Variants in CDH18 observed in about 807,000 individuals in gnomAD.
CDH18 encodes the protein cadherin-18.
CDH18 carries 31 observed loss-of-function variants against 67.9 expected under a neutral mutation model. The observed-to-expected ratio is 0.46, with a 90% CI of 0.34 to 0.62. The LOEUF (loss-of-function observed/expected upper bound fraction) is 0.62, where lower values mean the gene tolerates loss of function less well. CDH18 is among the 20% of genes least tolerant of loss of function. The pLI is 0.01. For synonymous variants in CDH18, 362 were observed against 347.2 expected, an observed-to-expected ratio of 1.04 and a Z score of -0.48; for missense variants, 890 against 975.5, an observed-to-expected ratio of 0.91 and a Z score of 1.17.
intron 1 of CDH18, among the ~76,000 whole-genome samples, chr5:20,501,790 T>G (rs758733343): frequency 2.0e-4 from 29 of 145,154 alleles, no homozygotes; most frequent in Non-Finnish European, 3.6e-4. Context: ...ATAGCCCAAG[T>G]GTACTTGTGC....
chr5:19,506,590 T>A lies in CDH18; in HGVS notation c.1513-3481A>T, dbSNP rs540687493. 2.0e-5 allele frequency among the ~76,000 whole-genome samples: 3 copies of A among 152,192 alleles called. No homozygotes were observed. In the South Asian group the frequency reaches 6.2e-4, roughly 32 times the overall value. ...AGACCAATAGAACAGAACAGAGCCC[T>A]CAGAAATAATGCTGCATATCTACAT... On this transcript the variant is annotated intron_variant, in intron 10 of 12. Transcript: ENST00000382275.
At chr5:19,779,576 A>C (rs1277521008) in intron 3 of CDH18, among the ~76,000 whole-genome samples, 1 of 152,144 alleles carries the variant, frequency 6.6e-6, no homozygotes, top group African/African-American at 2.4e-5. Flanking sequence ...TCCAGCCAAG[A>C]GGGAGAAAAA....
intron 1 of CDH18, among the ~76,000 whole-genome samples, chr5:20,280,741 T>G (rs1746191912): frequency 6.6e-6 from 1 of 152,162 alleles, no homozygotes; most frequent in Admixed American, 6.6e-5. Context: ...GATGGCTGGG[T>G]CAAATGGTAT....
chr5:19,479,710 G>A (rs1561150612), intron 12 of CDH18, among the ~76,000 whole-genome samples: 1 of 152,032 alleles, frequency 6.6e-6, no homozygotes, highest in Non-Finnish European at 1.5e-5. Context: ...CCTCACTTAC[G>A]GTGGCCTCAC....
intron 2 of CDH18, among the ~76,000 whole-genome samples, chr5:19,951,426 T>C (rs769977355): frequency 1.3e-5 from 2 of 152,152 alleles, no homozygotes; most frequent in Non-Finnish European, 2.9e-5. Context: ...CTAACAAATA[T>C]GTAGATGAGT....
At chr5:20,250,041 T>C (rs1743712537) in intron 2 of CDH18, among the ~76,000 whole-genome samples, 1 of 152,168 alleles carries the variant, frequency 6.6e-6, no homozygotes, top group Admixed American at 6.5e-5. Flanking sequence ...TCTTCACTGA[T>C]TGAACGCTCT....
At chr5:20,443,317 T>A (rs1749772235) in intron 1 of CDH18, among the ~76,000 whole-genome samples, 1 of 151,116 alleles carries the variant, frequency 6.6e-6, no homozygotes, top group African/African-American at 2.5e-5. Context: ...CTTTAAGAGA[T>A]ACATCCATCG....
intron 1 of CDH18, among the ~76,000 whole-genome samples, chr5:20,476,983 G>A (rs761045259): frequency 1.1e-4 from 16 of 151,898 alleles, no homozygotes; most frequent in South Asian, 2.1e-4. Flanking sequence ...TTTTCCTTGC[G>A]TTTGTGTCTG....
intron 1 of CDH18, among the ~76,000 whole-genome samples, chr5:20,321,391 TA>T (rs1561969127): frequency 6.6e-6 from 1 of 151,996 alleles, no homozygotes; most frequent in Non-Finnish European, 1.5e-5. Context: ...TGAGAATTAG[TA>T]TCTATTGTTC....
At chr5:19,960,269 A>C (rs1317212487) in intron 2 of CDH18, among the ~76,000 whole-genome samples, 1 of 152,036 alleles carries the variant, frequency 6.6e-6, no homozygotes, top group African/African-American at 2.4e-5. Context: ...TAGCTGTATA[A>C]AATATTTTCT....
chr5:20,286,978 T>C lies in CDH18; in HGVS notation c.-579-31473A>G, dbSNP rs772431922. ...AAAATAGTTGTTTTGAGTACCTTTT[T>C]TTCCTCCACTTAAATTGAGTATATT... On this transcript the variant is annotated intron_variant, in intron 1 of 14. Coordinates refer to the CDH18 transcript ENST00000507958. 5.6e-4 allele frequency among the ~76,000 whole-genome samples: 85 copies of C among 151,808 alleles called. 1 individual carries two copies. Among genetic ancestry groups the C allele is most frequent in the Non-Finnish European group, 1.8e-4 (12 of 67,770 alleles).
intron 2 of CDH18, among the ~76,000 whole-genome samples, chr5:19,877,538 T>C (rs1007448581): frequency 2.0e-5 from 3 of 152,178 alleles, no homozygotes; most frequent in Non-Finnish European, 2.9e-5. Context: ...TCAGTGTAGC[T>C]ATTAAAAGGG....
intron 7 of CDH18, among the ~76,000 whole-genome samples, chr5:19,582,646 T>A (rs190270864): frequency 6.6e-6 from 1 of 152,000 alleles, no homozygotes; most frequent in Admixed American, 6.6e-5. Flanking sequence ...ATAATGAAAT[T>A]CCTAAGGAAT....
At chr5:19,489,351 G>T (rs571456793) in intron 11 of CDH18, among the ~76,000 whole-genome samples, 5 of 150,418 alleles carry the variant, frequency 3.3e-5, no homozygotes, top group African/African-American at 1.2e-4. Flanking sequence ...GGGTTCAAGC[G>T]ATTCTCCTGC....
At chr5:19,962,707 C>A (rs865852852) in intron 2 of CDH18, among the ~76,000 whole-genome samples, 2 of 151,822 alleles carry the variant, frequency 1.3e-5, no homozygotes, top group Admixed American at 6.6e-5. Context: ...ACCTGGGAGG[C>A]GGAGGTTGCA....
At chr5:20,294,142 G>T (rs2063228) in intron 1 of CDH18, among the ~76,000 whole-genome samples, 17,762 of 152,098 alleles carry the variant, frequency 0.12, 1,579 homozygotes, top group African/African-American at 0.24. Context: ...CCATATGTGA[G>T]TTTTTAGTAC....
intron 3 of CDH18, among the ~76,000 whole-genome samples, chr5:19,821,891 C>A (rs141586941): frequency 1.2e-4 from 19 of 152,194 alleles, no homozygotes; most frequent in African/African-American, 3.4e-4. Context: ...AGAAAAAAAT[C>A]TTTTCTCGAC....
intron 2 of CDH18, among the ~76,000 whole-genome samples, chr5:19,956,140 T>C (rs918252549): frequency 6.6e-6 from 1 of 152,014 alleles, no homozygotes; most frequent in African/African-American, 2.4e-5. Flanking sequence ...ATAAGCTAAG[T>C]TTTATTCAAA....
At chr5:19,555,351 G>C (rs759972340) in intron 8 of CDH18, among the ~76,000 whole-genome samples, 100 of 152,318 alleles carry the variant, frequency 6.6e-4, no homozygotes, top group Admixed American at 2.3e-3. Context: ...TGCTTTCTCA[G>C]CTGGGAGGCT....
Sources: gnomAD v4.1 joint callset for allele counts (sites outside exome capture counted in the v4.1 genomes callset) on GRCh38, gnomAD v4.1.1 for gene constraint, MANE v1.5 for transcripts, NCBI Gene and HGNC (gene_info 2026-07-23, HGNC 2026-07-21) for gene names.